CRBN: variants seen among roughly 807,000 people sequenced by gnomAD.
CRBN encodes protein cereblon.
CRBN carries 53 observed loss-of-function variants against 62.2 expected under a neutral mutation model. That is an observed-to-expected ratio of 0.85 (90% CI 0.68 to 1.07). The LOEUF is 1.07. Ranked by LOEUF, CRBN falls within the 50% of genes least tolerant of loss-of-function variation. The pLI is 0.00. For synonymous variants in CRBN, 208 were observed against 176.1 expected, an observed-to-expected ratio of 1.18 and a Z score of -1.43; for missense variants, 616 against 531.1, an observed-to-expected ratio of 1.16 and a Z score of -1.57.
intron 5 of CRBN, chr3:3,167,295 CTTT>C (rs935812373): frequency 1.2e-4 from 25 of 213,046 alleles, no homozygotes; most frequent in African/African-American, 5.0e-4. Context: ...ATCCTCCCTT[CTTT>C]AAGATAATGG....
intron 1 of CRBN, among the ~76,000 whole-genome samples, chr3:3,175,509 T>C (rs1260200403): frequency 6.6e-6 from 1 of 152,132 alleles, no homozygotes; most frequent in Non-Finnish European, 1.5e-5. Flanking sequence ...AGTGTAAAGA[T>C]AGTACAGAAT....
intron 5 of CRBN, chr3:3,156,596 T>C (rs146050039): frequency 1.4e-4 from 52 of 365,730 alleles, no homozygotes; most frequent in Admixed American, 3.5e-4. Context: ...ATGACCATGT[T>C]AGTTGCCTTT....
intron 3 of CRBN, among the ~76,000 whole-genome samples, chr3:3,173,561 T>C (rs148450087): frequency 6.6e-6 from 1 of 152,294 alleles, no homozygotes; most frequent in Non-Finnish European, 1.5e-5. Flanking sequence ...AGCACTGTAC[T>C]GGGGTGGGAG....
At chr3:3,154,571 A>G in intron 7 of CRBN, 176 bp downstream of exon 7, 1 of 541,208 alleles carries the variant, frequency 1.8e-6, no homozygotes, top group Non-Finnish European at 3.2e-6. Flanking sequence ...TTTTATTGCA[A>G]TTAATTTTAA....
At chr3:3,162,930 TA>T (rs1463922133) in intron 5 of CRBN, among the ~76,000 whole-genome samples, 1 of 152,222 alleles carries the variant, frequency 6.6e-6, no homozygotes, top group African/African-American at 2.4e-5. Flanking sequence ...CACTGTTACA[TA>T]ATCCAGCCCT....
chr3:3,174,798 A>AT (rs1269982282), intron 2 of CRBN, among the ~76,000 whole-genome samples: 6 of 152,184 alleles, frequency 3.9e-5, no homozygotes, highest in African/African-American at 9.7e-5. Context: ...AAATTCAAGA[A>AT]TTTTTTTAGT....
chr3:3,167,572 A>C lies in CRBN; in HGVS notation c.687+62T>G, dbSNP rs1467969978. On this transcript the variant is annotated intron_variant, in intron 5 of 10. Coordinates refer to ENST00000231948, the MANE Select transcript of CRBN (RefSeq NM_016302.4). ...TCATGAAAGTTGTGTTTCTTTCTTA[A>C]AACAGGAAAAAAAACAACCTGTCTT... The C allele has an allele frequency of 3.3e-6, 5 of 1,504,562 alleles. No individual in the cohort carries two copies. In the East Asian group the frequency reaches 9.1e-5, roughly 27 times the overall value. The allele number at this position is 1,504,562 out of a possible 1,614,324, so 93.2% of individuals were successfully genotyped here.
intron 4 of CRBN, among the ~76,000 whole-genome samples, chr3:3,169,964 C>G (rs1264870301): frequency 6.6e-6 from 1 of 151,742 alleles, no homozygotes; most frequent in Non-Finnish European, 1.5e-5. Flanking sequence ...CACACACACT[C>G]ATGACTTTGG....
intron 1 of CRBN, among the ~76,000 whole-genome samples, chr3:3,179,101 C>A (rs1707958118): frequency 6.6e-6 from 1 of 152,114 alleles, no homozygotes; most frequent in African/African-American, 2.4e-5. Flanking sequence ...TGACCTTGGG[C>A]AAGTCATTGA....
chr3:3,168,072 T>C (rs560047254), intron 4 of CRBN, among the ~76,000 whole-genome samples: 6 of 152,014 alleles, frequency 3.9e-5, no homozygotes, highest in African/African-American at 1.2e-4. Flanking sequence ...AAATACAGAG[T>C]CTATAAATGA....
At chr3:3,177,058 A>G (rs1223225421) in intron 1 of CRBN, among the ~76,000 whole-genome samples, 1 of 152,180 alleles carries the variant, frequency 6.6e-6, no homozygotes, top group Non-Finnish European at 1.5e-5. Context: ...TAGTGGGTAG[A>G]GGCCAGGGAT....
At chr3:3,152,796 G>A (rs2126051913) in intron 9 of CRBN, 1 of 597,316 alleles carries the variant, frequency 1.7e-6, no homozygotes, top group Non-Finnish European at 3.0e-6. Flanking sequence ...ATGTCTAAAT[G>A]TTTTCTGTGA....
intron 5 of CRBN, among the ~76,000 whole-genome samples, chr3:3,166,417 T>C (rs1372415533): frequency 3.3e-5 from 5 of 152,202 alleles, no homozygotes; most frequent in Non-Finnish European, 4.4e-5. Context: ...CCTCTTTTTT[T>C]GTAAATTGCT....
chr3:3,154,211 A>C (rs543676769), intron 7 of CRBN, 136 bp from the exon 8 acceptor site: 1 of 648,160 alleles, frequency 1.5e-6, no homozygotes, highest in Admixed American at 2.5e-5. Flanking sequence ...AAACAATACA[A>C]AAATATACCA....
intron 5 of CRBN, among the ~76,000 whole-genome samples, chr3:3,160,373 A>G (rs1707086886): frequency 6.6e-6 from 1 of 152,230 alleles, no homozygotes. Flanking sequence ...GAAATAATTT[A>G]TATAAATAAT....
chr3:3,153,942 CAT>C lies in CRBN; in HGVS notation c.951+16_951+17del, dbSNP rs774753303. 32 of 1,482,908 alleles carry C rather than the reference CAT, an allele frequency of 2.2e-5. No individual in the cohort carries two copies. The highest frequency in any genetic ancestry group is 1.7e-4 in the Admixed American group (10 of 59,806). The allele number at this position is 1,482,908 out of a possible 1,614,324, so 91.9% of individuals were successfully genotyped here. A position where few individuals can be genotyped will look rare whatever the true frequency, so the allele number is the denominator to read the frequency against. On this transcript the variant is annotated intron_variant, in intron 8 of 10. Coordinates refer to ENST00000231948, the MANE Select transcript of CRBN (RefSeq NM_016302.4). Reference sequence around the variant, plus strand: ...CTGAATAAAACATGGGCATCAAAAACATATTCACTTTACTCACTTTATTCATA... The same window carrying C: ...CTGAATAAAACATGGGCATCAAAAACATTCACTTTACTCACTTTATTCATA...
Position 3,153,419 on chromosome 3 carries a change from C to T in CRBN, c.1016+5G>A. ...AGTATATTAAAAACGTAATAAAGAC[C>T]TTACCTGAATATTTCATTTTTGGTT... On this transcript the variant is annotated splice_donor_5th_base_variant and intron_variant, in intron 9 of 10. Transcript: ENST00000231948. The T allele has an allele frequency of 1.4e-6, 2 of 1,459,108 alleles. No individual in the cohort carries two copies. The highest frequency in any genetic ancestry group is 1.1e-5 in the South Asian group (1 of 87,816). The allele number at this position is 1,459,108 out of a possible 1,614,324, so 90.4% of individuals were successfully genotyped here.
intron 1 of CRBN, among the ~76,000 whole-genome samples, chr3:3,178,145 A>T (rs1707906488): frequency 1.3e-5 from 2 of 152,160 alleles, no homozygotes; most frequent in Admixed American, 6.5e-5. Context: ...TCTATTCACC[A>T]TTCTCCCTGA....
At chr3:3,161,161 AACAAAAG>A (rs908973936) in intron 5 of CRBN, among the ~76,000 whole-genome samples, 7 of 152,210 alleles carry the variant, frequency 4.6e-5, no homozygotes, top group African/African-American at 1.4e-4. Flanking sequence ...CCACACCAAA[AACAAAAG>A]ACAAAAGACA....
Sources: gnomAD v4.1 joint callset for allele counts (sites outside exome capture counted in the v4.1 genomes callset) on GRCh38, gnomAD v4.1.1 for gene constraint, MANE v1.5 for transcripts, NCBI Gene and HGNC (gene_info 2026-07-23, HGNC 2026-07-21) for gene names.